The following LRRC7 variants were observed in gnomAD, a reference collection of about 807,000 sequenced individuals.
LRRC7 encodes leucine rich repeat containing 7, also known as leucine-rich repeat-containing protein 7.
LRRC7 carries 23 observed loss-of-function variants against 175.7 expected under a neutral mutation model. The ratio of observed to expected loss-of-function variants is 0.13; its 90% confidence interval spans 0.09 to 0.19. LRRC7 has a LOEUF of 0.19. Among genes scored for constraint, LRRC7 ranks in the 10% least tolerant of loss-of-function variants. The pLI, the probability that LRRC7 is intolerant of heterozygous loss-of-function variation, is 1.00. For synonymous variants in LRRC7, 685 were observed against 680.9 expected, an observed-to-expected ratio of 1.01 and a Z score of -0.09; for missense variants, 1,354 against 1,904.7, an observed-to-expected ratio of 0.71 and a Z score of 5.38.
intron 11 of LRRC7, among the ~76,000 whole-genome samples, chr1:69,998,175 T>C (rs1454576413): frequency 6.6e-6 from 1 of 152,192 alleles, no homozygotes; most frequent in Non-Finnish European, 1.5e-5. Flanking sequence ...ACTGCACATA[T>C]TTAAAGTCTA....
At position 70,018,711 on chromosome 1, in the gene LRRC7, G is replaced by T; in HGVS notation, c.1321-8G>T. 6.3e-7 allele frequency: 1 copy of T among 1,593,516 alleles called. No homozygotes were observed. Among genetic ancestry groups the T allele is most frequent in the Non-Finnish European group, 8.6e-7 (1 of 1,164,072 alleles). On this transcript the variant is annotated splice_polypyrimidine_tract_variant and splice_region_variant and intron_variant, in intron 14 of 26. Transcript: ENST00000651989. ...TATTCATCTAATTTGTATGTTCTTT[G>T]CTTCTAGTCCAAAGCCCTTATCCCT... is the stretch of plus-strand genomic sequence containing the variant.
chr1:69,759,314 G>A (rs558312600), intron 2 of LRRC7, among the ~76,000 whole-genome samples: 2 of 152,028 alleles, frequency 1.3e-5, no homozygotes, highest in South Asian at 4.2e-4. Context: ...ATACAAGAAT[G>A]AACAAAATAA....
At chr1:69,648,715 C>G (rs11209506) in intron 1 of LRRC7, among the ~76,000 whole-genome samples, 51,508 of 152,086 alleles carry the variant, frequency 0.34, 9,044 homozygotes, top group East Asian at 0.56. Context: ...GCTTCCAGCT[C>G]TTGCTACTCT....
chr1:69,588,395 T>C (rs1245052), intron 1 of LRRC7, among the ~76,000 whole-genome samples: 4 of 152,126 alleles, frequency 2.6e-5, no homozygotes, highest in Non-Finnish European at 5.9e-5. Flanking sequence ...AATTAATGAC[T>C]AACCTATAGA....
intron 25 of LRRC7, among the ~76,000 whole-genome samples, chr1:70,105,703 A>G (rs997662564): frequency 7.2e-5 from 11 of 152,084 alleles, no homozygotes; most frequent in African/African-American, 2.4e-4. Context: ...ATAGTTTGTA[A>G]TTTTTGTTAT....
At chr1:69,793,187 T>C (rs1051024319) in intron 4 of LRRC7, among the ~76,000 whole-genome samples, 5 of 152,046 alleles carry the variant, frequency 3.3e-5, no homozygotes, top group Non-Finnish European at 1.5e-5. Context: ...AACAAGAAAT[T>C]GTAGATGATT....
At chr1:69,585,761 T>G (rs1271928) in intron 1 of LRRC7, among the ~76,000 whole-genome samples, 23,020 of 152,166 alleles carry the variant, frequency 0.15, 1,911 homozygotes, top group Admixed American at 0.19. Flanking sequence ...CTTGCATCCT[T>G]TTAAATGAAG....
intron 2 of LRRC7, among the ~76,000 whole-genome samples, chr1:69,691,797 C>CAAAAAAAAAAAAAA (rs57676937): frequency 2.5e-4 from 21 of 85,186 alleles, no homozygotes; most frequent in East Asian, 7.4e-4. Context: ...GACCCTGTCT[C>CAAAAAAAAAAAAAA]AAAAAAAAAA....
chr1:69,766,138 C>T (rs983391934), intron 3 of LRRC7, among the ~76,000 whole-genome samples: 1 of 152,002 alleles, frequency 6.6e-6, no homozygotes, highest in African/African-American at 2.4e-5. Flanking sequence ...CTGGAACTTG[C>T]CCAGAAGTTA....
chr1:69,646,751 G>A (rs576349902), intron 1 of LRRC7, among the ~76,000 whole-genome samples: 11 of 152,210 alleles, frequency 7.2e-5, no homozygotes, highest in African/African-American at 2.2e-4. Flanking sequence ...CAGTGCAGCC[G>A]AACCTCTATA....
At chr1:69,770,608 G>A (rs1305022299) in intron 3 of LRRC7, among the ~76,000 whole-genome samples, 1 of 152,100 alleles carries the variant, frequency 6.6e-6, no homozygotes, top group Non-Finnish European at 1.5e-5. Flanking sequence ...TGTCATGATT[G>A]AGAATATGAA....
chr1:69,900,912 C>T (rs1340207046), intron 7 of LRRC7, among the ~76,000 whole-genome samples: 1 of 152,164 alleles, frequency 6.6e-6, no homozygotes, highest in African/African-American at 2.4e-5. Context: ...GAACCGAATT[C>T]ATTTAGCCAC....
At chr1:69,856,950 T>A (rs1257869347) in intron 7 of LRRC7, among the ~76,000 whole-genome samples, 1 of 152,180 alleles carries the variant, frequency 6.6e-6, no homozygotes, top group Non-Finnish European at 1.5e-5. Context: ...GACGCAAGGC[T>A]GGTTCAACAT....
chr1:69,959,309 A>G (rs1444705656), intron 8 of LRRC7, among the ~76,000 whole-genome samples: 1 of 152,072 alleles, frequency 6.6e-6, no homozygotes, highest in Admixed American at 6.6e-5. Flanking sequence ...ATAACGATGA[A>G]CTGTTAATGA....
intron 1 of LRRC7, among the ~76,000 whole-genome samples, chr1:69,655,053 C>A (rs1040008601): frequency 1.3e-5 from 2 of 152,024 alleles, no homozygotes; most frequent in Admixed American, 6.6e-5. Context: ...TCTTATCCAA[C>A]CAGTAGGCAA....
At chr1:69,973,280 CAG>C (rs1367134979) in intron 8 of LRRC7, among the ~76,000 whole-genome samples, 1 of 151,596 alleles carries the variant, frequency 6.6e-6, no homozygotes, top group African/African-American at 2.4e-5. Flanking sequence ...TTTGAGGTCT[CAG>C]GGGGAAAGGG....
intron 7 of LRRC7, among the ~76,000 whole-genome samples, chr1:69,849,404 C>T (rs1232321560): frequency 6.6e-6 from 1 of 151,756 alleles, no homozygotes; most frequent in African/African-American, 2.4e-5. Context: ...CTAAAAAAAG[C>T]AAAAACTTCA....
chr1:69,717,281 G>A (rs1570477300), intron 2 of LRRC7, among the ~76,000 whole-genome samples: 11 of 151,538 alleles, frequency 7.3e-5, no homozygotes, highest in Admixed American at 7.2e-4. Context: ...GTGTAAAATT[G>A]TGTTTCAATT....
chr1:69,929,114 A>G (rs879839238), intron 7 of LRRC7, among the ~76,000 whole-genome samples: 1 of 152,056 alleles, frequency 6.6e-6, no homozygotes, highest in Non-Finnish European at 1.5e-5. Flanking sequence ...GGTGATCTAT[A>G]TTCTCAAGAC....
Sources: allele counts gnomAD v4.1 joint callset (sites outside exome capture counted in the v4.1 genomes callset), GRCh38; gene constraint gnomAD v4.1.1; transcripts MANE v1.5; gene names NCBI Gene and HGNC (gene_info 2026-07-23, HGNC 2026-07-21).